TMEM132D: variants seen among roughly 807,000 people sequenced by gnomAD.
TMEM132D encodes the protein transmembrane protein 132D, also known as mature OL transmembrane protein.
TMEM132D carries 21 observed loss-of-function variants against 62.3 expected under a neutral mutation model. The ratio of observed to expected loss-of-function variants is 0.34; its 90% confidence interval spans 0.24 to 0.49. The LOEUF (loss-of-function observed/expected upper bound fraction) is 0.49. TMEM132D is among the 20% of genes least tolerant of loss of function. TMEM132D has a pLI of 0.99. For missense variants in TMEM132D, 1,346 were observed against 1,402.8 expected (o/e 0.96, Z 0.65); for synonymous variants, 621 against 575.6 (o/e 1.08, Z -1.13).
intron 1 of TMEM132D, among the ~76,000 whole-genome samples, chr12:129,733,389 G>C (rs56335821): frequency 0.15 from 22,877 of 152,006 alleles, 1,992 homozygotes; most frequent in South Asian, 0.25. Context: ...GAGCCTGATC[G>C]CCCCAGATAA....
At chr12:129,446,598 T>A (rs916323131) in intron 3 of TMEM132D, among the ~76,000 whole-genome samples, 1 of 152,214 alleles carries the variant, frequency 6.6e-6, no homozygotes, top group African/African-American at 2.4e-5. Flanking sequence ...AAATCTCTGC[T>A]CTTGAAGATC....
intron 3 of TMEM132D, among the ~76,000 whole-genome samples, chr12:129,463,779 C>T (rs574479671): frequency 1.3e-5 from 2 of 152,228 alleles, no homozygotes; most frequent in African/African-American, 4.8e-5. Context: ...CCAGCTTCAT[C>T]CATGTCCCTA....
intron 4 of TMEM132D, among the ~76,000 whole-genome samples, chr12:129,303,661 A>G (rs1374901409): frequency 6.6e-6 from 1 of 152,192 alleles, no homozygotes; most frequent in Non-Finnish European, 1.5e-5. Context: ...CCTGAGAAGC[A>G]GAGCCAACAG....
chr12:129,142,746 C>G (rs1876780091), intron 5 of TMEM132D, among the ~76,000 whole-genome samples: 1 of 152,082 alleles, frequency 6.6e-6, no homozygotes, highest in East Asian at 1.9e-4. Flanking sequence ...ATGATGTCAT[C>G]AGGAAATTAT....
chr12:129,838,062 A>G, intron 1 of TMEM132D, among the ~76,000 whole-genome samples: 1 of 152,204 alleles, frequency 6.6e-6, no homozygotes, highest in East Asian at 1.9e-4. Flanking sequence ...TGACGTTTTC[A>G]TGCACCAATA....
Position 129,536,526 on chromosome 12 carries a change from C to A in TMEM132D, c.969-5321G>T, listed in dbSNP as rs150606195. On this transcript the variant is annotated intron_variant, in intron 2 of 8. Coordinates refer to ENST00000422113, the MANE Select transcript of TMEM132D (RefSeq NM_133448.3). ...GAAACGCTACTTTCCACTACATCAA[C>A]ATGTTGATATATCACATAACATTTT... Among the ~76,000 whole-genome samples, 786 of 152,316 alleles carry A rather than the reference C, an allele frequency of 5.2e-3. 4 individuals are homozygous for A. The highest frequency in any genetic ancestry group is 0.018 in the African/African-American group (749 of 41,558).
At chr12:129,528,149 A>T (rs1335127534) in intron 3 of TMEM132D, among the ~76,000 whole-genome samples, 1 of 152,200 alleles carries the variant, frequency 6.6e-6, no homozygotes, top group Non-Finnish European at 1.5e-5. Flanking sequence ...GGAAATTATA[A>T]AGCAAAACAG....
chr12:129,834,528 T>C (rs1468211908), intron 1 of TMEM132D, among the ~76,000 whole-genome samples: 4 of 151,998 alleles, frequency 2.6e-5, no homozygotes, highest in Non-Finnish European at 5.9e-5. Context: ...AATGGTCTTT[T>C]GAGGACATGA....
chr12:129,368,844 A>G (rs1870508777), intron 3 of TMEM132D, among the ~76,000 whole-genome samples: 1 of 151,934 alleles, frequency 6.6e-6, no homozygotes, highest in Non-Finnish European at 1.5e-5. Flanking sequence ...GCAGAAATCT[A>G]CTTCACGTAA....
chr12:129,775,326 G>A (rs1870883512), intron 1 of TMEM132D, among the ~76,000 whole-genome samples: 1 of 152,140 alleles, frequency 6.6e-6, no homozygotes, highest in African/African-American at 2.4e-5. Flanking sequence ...TGGGCGGAAT[G>A]CCACCCCAGC....
intron 4 of TMEM132D, among the ~76,000 whole-genome samples, chr12:129,232,951 G>A (rs76055579): frequency 6.7e-4 from 102 of 152,048 alleles, no homozygotes; most frequent in African/African-American, 2.2e-3. Context: ...TGAGCCACTC[G>A]CCTCCCACCA....
intron 1 of TMEM132D, among the ~76,000 whole-genome samples, chr12:129,787,240 T>G (rs550038380): frequency 6.6e-6 from 1 of 152,272 alleles, no homozygotes; most frequent in East Asian, 1.9e-4. Context: ...TGGCTTCTTA[T>G]AGTTGATCAA....
intron 2 of TMEM132D, among the ~76,000 whole-genome samples, chr12:129,580,980 T>C (rs1021516017): frequency 2.0e-5 from 3 of 152,148 alleles, no homozygotes; most frequent in Admixed American, 2.0e-4. Flanking sequence ...TACTGGCAAA[T>C]GCTGTAGTTT....
intron 3 of TMEM132D, among the ~76,000 whole-genome samples, chr12:129,525,671 G>A (rs1276613936): frequency 6.6e-6 from 1 of 152,204 alleles, no homozygotes; most frequent in Non-Finnish European, 1.5e-5. Context: ...GCATTGTTAT[G>A]CCAATATTAC....
At chr12:129,467,752 G>A (rs1007568542) in intron 3 of TMEM132D, among the ~76,000 whole-genome samples, 1 of 152,156 alleles carries the variant, frequency 6.6e-6, no homozygotes, top group African/African-American at 2.4e-5. Flanking sequence ...TTGAACAGCT[G>A]TAATGGACTA....
intron 4 of TMEM132D, among the ~76,000 whole-genome samples, chr12:129,301,754 C>A (rs573308832): frequency 3.9e-4 from 60 of 152,238 alleles, no homozygotes; most frequent in African/African-American, 1.4e-3. Flanking sequence ...GGGTCATTGT[C>A]TCCACTTACA....
intron 5 of TMEM132D, among the ~76,000 whole-genome samples, chr12:129,100,944 A>G (rs930212611): frequency 1.3e-5 from 2 of 152,236 alleles, no homozygotes; most frequent in Non-Finnish European, 2.9e-5. Flanking sequence ...GAAGCTGAGC[A>G]GCACCAGGCG....
intron 2 of TMEM132D, among the ~76,000 whole-genome samples, chr12:129,558,530 C>T (rs368786361): frequency 1.3e-5 from 2 of 152,162 alleles, no homozygotes; most frequent in African/African-American, 2.4e-5. Flanking sequence ...CTGCTGGGAA[C>T]GTGAGCAATC....
At chr12:129,737,755 G>T (rs945674527) in intron 1 of TMEM132D, among the ~76,000 whole-genome samples, 43 of 152,178 alleles carry the variant, frequency 2.8e-4, no homozygotes, top group African/African-American at 9.4e-4. Flanking sequence ...AGACGTTTTA[G>T]CAAATAAAAT....
Sources: gnomAD v4.1 joint callset for allele counts (sites outside exome capture counted in the v4.1 genomes callset) on GRCh38, gnomAD v4.1.1 for gene constraint, MANE v1.5 for transcripts, NCBI Gene and HGNC (gene_info 2026-07-23, HGNC 2026-07-21) for gene names.